The following AXIN2 variants were observed in gnomAD, a reference collection of about 807,000 sequenced individuals.
AXIN2 encodes the protein axin-2.
Under a neutral mutation model 74.7 loss-of-function variants are expected in AXIN2, and 21 were observed. The observed-to-expected ratio is 0.28, with a 90% confidence interval of 0.20 to 0.40. The LOEUF (loss-of-function observed/expected upper bound fraction) is 0.40, where lower values mean the gene tolerates loss of function less well. Ranked by LOEUF, AXIN2 falls within the 10% of genes least tolerant of loss-of-function variation. The pLI is 1.00. For synonymous variants in AXIN2, 532 were observed against 454.9 expected, an observed-to-expected ratio of 1.17 and a Z score of -2.16; for missense variants, 1,144 against 1,111.1, an observed-to-expected ratio of 1.03 and a Z score of -0.42.
In AXIN2 at chr17:65,558,578, T is replaced by C. The variant is rs759551291; in HGVS notation, c.43A>G (p.Ser15Gly). The C allele has an allele frequency of 2.1e-5, 34 of 1,611,788 alleles. No homozygotes were observed. The South Asian group carries it at 3.5e-4, about 17-fold the overall frequency. Reference protein sequence around the residue: ...MLVTCLPDPSSSFREDAPRPP... With the variant: ...MLVTCLPDPSGSFREDAPRPP... ...CGCGGGGCATCCTCACGGAAGCTGCTGCTGGGGTCCGGGAGGCAAGTCACC... is the reference window on the plus strand; with the variant it reads ...CGCGGGGCATCCTCACGGAAGCTGCCGCTGGGGTCCGGGAGGCAAGTCACC... Residue 15 changes from serine (S) to glycine (G), a missense_variant, in exon 2 of 11, where the codon AGC (serine) becomes GGC (glycine). By Grantham distance (56) the Ser-to-Gly change is moderately conservative. Around this residue, in one of 4 missense-constraint regions of AXIN2, gnomAD observed 23 missense variants for 20.8 expected, o/e 1.11. Transcript: ENST00000307078.
chr17:65,540,426 G>GT (rs1160669635), intron 4 of AXIN2, among the ~76,000 whole-genome samples: 2 of 152,220 alleles, frequency 1.3e-5, no homozygotes, highest in African/African-American at 4.8e-5. Flanking sequence ...AAGCTGTAGA[G>GT]AAGCATGGAT....
Position 65,536,872 on chromosome 17 carries a change from T to C in AXIN2, c.1904A>G (p.His635Arg), listed in dbSNP as rs775207779. 39 of 1,613,064 alleles carry C rather than the reference T, an allele frequency of 2.4e-5. No homozygotes were observed. The highest frequency in any genetic ancestry group is 3.1e-5 in the Non-Finnish European group (36 of 1,179,910). Residue 635 changes from histidine to arginine, a missense_variant, in exon 7 of 11, where the codon CAT (histidine) becomes CGT (arginine). By Grantham distance (29) the His-to-Arg change is conservative (BLOSUM62 0). Around this residue, in one of 4 missense-constraint regions of AXIN2, gnomAD observed 1,053 missense variants for 973.5 expected, o/e 1.08. Transcript: ENST00000307078. The stretch of plus-strand genomic sequence containing the variant: ...GGCGGCGGCAAGCGGTGTTTACCTA[T>C]GGGGCTTGGGCTTGCTCTGCCGCTC... ...ESERQSKPKP[H>R]SAQSTKKAYP...
chr17:65,552,302 T>C (rs1254441007), intron 2 of AXIN2, among the ~76,000 whole-genome samples: 1 of 152,140 alleles, frequency 6.6e-6, no homozygotes, highest in Non-Finnish European at 1.5e-5. Flanking sequence ...AAAAAATACT[T>C]CTAAATGGTC....
chr17:65,558,591 G>T lies in AXIN2; in HGVS notation c.30C>A (p.Leu10=), dbSNP rs761670939. ...CACGGAAGCTGCTGCTGGGGTCCGG[G>T]AGGCAAGTCACCAACATAGCGCTAC... MSSAMLVTC[L]PDPSSSFRED... Residue 10 remains leucine (L), a synonymous_variant, in exon 2 of 11, where the codon CTC becomes CTA. Coordinates refer to ENST00000307078, the MANE Select transcript of AXIN2 (RefSeq NM_004655.4). 8.7e-6 allele frequency: 14 copies of T among 1,610,052 alleles called. No individual in the cohort carries two copies. The highest frequency in any genetic ancestry group is 1.2e-5 in the Non-Finnish European group (14 of 1,179,996).
intron 5 of AXIN2, 138 bp downstream of exon 5, chr17:65,538,065 C>T (rs2043971098): frequency 5.4e-6 from 8 of 1,492,656 alleles, no homozygotes; most frequent in Non-Finnish European, 6.4e-6. Flanking sequence ...CCCAGGCACA[C>T]ACCCACACGC....
At chr17:65,535,087 C>T (rs79108306) in intron 9 of AXIN2, among the ~76,000 whole-genome samples, 7,769 of 152,294 alleles carry the variant, frequency 0.051, 263 homozygotes, top group South Asian at 0.12. Flanking sequence ...AAACTTGATA[C>T]AGACCATTTT....
chr17:65,534,657 G>C (rs1029371812), intron 9 of AXIN2, among the ~76,000 whole-genome samples: 2 of 152,162 alleles, frequency 1.3e-5, no homozygotes, highest in African/African-American at 4.8e-5. Flanking sequence ...GGCCGGGCGT[G>C]GTGGCTCACG....
rs1321803175 is a variant in AXIN2 at position 65,537,611 on chromosome 17, C to A, written c.1425G>T (p.Ser475=). ...CGGGCGGGAGCAGGGAGTGGTACTG[C>A]GAATGGTGGTGGTGGTGGTGGTCCG... is the stretch of plus-strand genomic sequence containing the variant. The part of the protein sequence containing the change: ...RSPDHHHHHH[S]QYHSLLPPGG... The change falls in exon 6 of 11, where the codon TCG becomes TCT. Residue 475 remains serine (S), a synonymous_variant. Coordinates refer to ENST00000307078, the MANE Select transcript of AXIN2 (RefSeq NM_004655.4). 6.9e-6 allele frequency: 11 copies of A among 1,599,772 alleles called. 1 individual carries two copies. The highest frequency in any genetic ancestry group is 3.3e-5 in the South Asian group (3 of 90,390).
At chr17:65,542,858 A>G (rs1469061804) in intron 3 of AXIN2, among the ~76,000 whole-genome samples, 5 of 152,184 alleles carry the variant, frequency 3.3e-5, no homozygotes, top group Admixed American at 1.3e-4. Flanking sequence ...CCTTTCCCCA[A>G]TGTCTGGTTC....
At chr17:65,539,504 TTTTC>T (rs971767208) in intron 4 of AXIN2, among the ~76,000 whole-genome samples, 1 of 152,190 alleles carries the variant, frequency 6.6e-6, no homozygotes, top group African/African-American at 2.4e-5. Context: ...GCGATAGAAC[TTTTC>T]TTTGTTAACT....
chr17:65,543,083 C>T (rs2044066270), intron 3 of AXIN2, among the ~76,000 whole-genome samples: 1 of 152,136 alleles, frequency 6.6e-6, no homozygotes, highest in Admixed American at 6.5e-5. Flanking sequence ...GTATGTTAAC[C>T]AAACCCTGGC....
chr17:65,549,982 G>C (rs2044169063), intron 2 of AXIN2, among the ~76,000 whole-genome samples: 1 of 152,226 alleles, frequency 6.6e-6, no homozygotes, highest in African/African-American at 2.4e-5. Flanking sequence ...CTCTGCTTTA[G>C]GAGAGGAGGC....
intron 7 of AXIN2, 130 bp from the exon 8 acceptor site, chr17:65,536,683 T>C (rs2043926899): frequency 7.2e-7 from 1 of 1,379,896 alleles, no homozygotes; most frequent in Non-Finnish European, 1.0e-6. Flanking sequence ...TACCATAACA[T>C]GAACAGGGGT....
chr17:65,536,447 T>C lies in AXIN2; in HGVS notation c.2014A>G (p.Thr672Ala), dbSNP rs1421895371. Residue 672 changes from threonine (T) to alanine (A), a missense_variant, in exon 8 of 11, where the codon ACC (threonine) becomes GCC (alanine). Physicochemically the swap from Thr to Ala is moderately conservative, Grantham distance 58. Around this residue, in one of 4 missense-constraint regions of AXIN2, gnomAD observed 1,053 missense variants for 973.5 expected, o/e 1.08. Transcript: ENST00000307078. The part of the protein sequence containing the change: ...LWGGNSGHPR[T>A]TPRAHLFTQD... ...GTGAACAGGTGGGCACGGGGGGTGG[T>C]GCGGGGGTGCCCGCTGTTGCCCCCC... is the stretch of plus-strand genomic sequence containing the variant. The C allele has an allele frequency of 1.9e-6, 3 of 1,601,218 alleles. No homozygotes were observed. In the African/African-American group the frequency reaches 4.7e-5, roughly 25 times the overall value.
intron 3 of AXIN2, among the ~76,000 whole-genome samples, chr17:65,548,532 T>C (rs1272870736): frequency 6.6e-6 from 1 of 152,220 alleles, no homozygotes; most frequent in African/African-American, 2.4e-5. Flanking sequence ...CTCCAAAACA[T>C]TGAAAAGCTT....
At chr17:65,545,479 A>T (rs1326178926) in intron 3 of AXIN2, among the ~76,000 whole-genome samples, 3 of 152,132 alleles carry the variant, frequency 2.0e-5, no homozygotes, top group Non-Finnish European at 2.9e-5. Flanking sequence ...CACGAAGTCA[A>T]GAGATCGAGA....
chr17:65,561,006 C>A (rs2044363236), intron 1 of AXIN2: 1 of 149,036 alleles, frequency 6.7e-6, no homozygotes, highest in African/African-American at 2.4e-5. Flanking sequence ...ATCCCGGGTT[C>A]AGAGCGAAAG....
chr17:65,535,930 C>G (rs1231209659), intron 8 of AXIN2, among the ~76,000 whole-genome samples: 1 of 152,158 alleles, frequency 6.6e-6, no homozygotes, highest in Non-Finnish European at 1.5e-5. Context: ...CCCCTGGGAG[C>G]CCAGGATGGG....
At chr17:65,538,038 T>TGCGCACACAGCCCACGCCC (rs2043970046) in intron 5 of AXIN2, 165 bp downstream of exon 5, 4 of 1,395,056 alleles carry the variant, frequency 2.9e-6, no homozygotes, top group Non-Finnish European at 3.9e-6. Flanking sequence ...CCCATGCACA[T>TGCGCACACAGCCCACGCCC]GCGCACACAG....
Sources: gnomAD v4.1 joint callset for allele counts (sites outside exome capture counted in the v4.1 genomes callset) on GRCh38, gnomAD v4.1.1 for gene constraint, gnomAD v4.1.1 regional missense constraint, MANE v1.5 for transcripts, NCBI Gene and HGNC (gene_info 2026-07-23, HGNC 2026-07-21) for gene names.